Variants in ST3GAL4 observed in about 807,000 individuals in gnomAD.
The protein encoded by ST3GAL4 is CMP-N-acetylneuraminate-beta-galactosamide-alpha-2,3-sialyltransferase 4.
Under a neutral mutation model 42.6 loss-of-function variants are expected in ST3GAL4, and 24 were observed. The ratio of observed to expected loss-of-function variants is 0.56; its 90% CI spans 0.41 to 0.79. The LOEUF is 0.79. Ranked by LOEUF, ST3GAL4 falls within the 30% of genes least tolerant of loss-of-function variation. The pLI, the probability that ST3GAL4 is intolerant of heterozygous loss-of-function variation, is 0.00. For missense variants in ST3GAL4, 311 were observed against 430.8 expected (o/e 0.72, Z 2.46); for synonymous variants, 135 against 163.2 (o/e 0.83, Z 1.32).
rs1591496146 is a variant in ST3GAL4 at position 126,410,518 on chromosome 11, A to G, written c.771+1107A>G. ...GGATAATATCCATAATGACCTTTTA[A>G]GGCTGTTGTAGGAGTTTGAAAAATA... On this transcript the variant is annotated intron_variant, in intron 9 of 10. Coordinates refer to ENST00000444328, the MANE Select transcript of ST3GAL4 (RefSeq NM_001254757.2). The surrounding 1 kb of genome is among the most constrained non-coding windows in gnomAD (Gnocchi z 5.3). Among the ~76,000 whole-genome samples, 3 of 152,332 alleles carry G rather than the reference A, an allele frequency of 2.0e-5. No individual in the cohort carries two copies. The South Asian group carries it at 6.2e-4, about 32-fold the overall frequency.
chr11:126,360,930 GAAAGGT>G (rs1332764785), intron 1 of ST3GAL4, among the ~76,000 whole-genome samples: 22 of 152,228 alleles, frequency 1.4e-4, no homozygotes, highest in Non-Finnish European at 2.9e-4. Flanking sequence ...GTTTGCCAGA[GAAAGGT>G]CTGGCCCCAT....
rs183821887 is a variant in ST3GAL4, at chr11:126,359,759, C to T, written c.-61+3917C>T. 7.3e-4 allele frequency among the ~76,000 whole-genome samples: 109 copies of T among 148,698 alleles called. 3 individuals carry two copies. The highest frequency in any genetic ancestry group is 2.7e-3 in the African/African-American group (107 of 39,982). ...TCCTTCCCTCCTTCCCTCCTTCCCTCCTTCCCCGTGGGCCCTCCCAGCCTC... is the reference window on the plus strand; with the variant it reads ...TCCTTCCCTCCTTCCCTCCTTCCCTTCTTCCCCGTGGGCCCTCCCAGCCTC... On this transcript the variant is annotated intron_variant, in intron 1 of 10. Coordinates refer to ENST00000444328, the MANE Select transcript of ST3GAL4 (RefSeq NM_001254757.2). The surrounding 1 kb of genome is among the most constrained non-coding windows in gnomAD (Gnocchi z 4.8).
chr11:126,385,361 C>G (rs759436328), intron 1 of ST3GAL4, among the ~76,000 whole-genome samples: 4 of 151,854 alleles, frequency 2.6e-5, no homozygotes, highest in Non-Finnish European at 5.9e-5. Context: ...ACTGTGTTAG[C>G]CAGGATGGTC....
rs1820294632 is a variant in ST3GAL4 at position 126,393,403 on chromosome 11, TTGTG to T, written c.-60-12690_-60-12687del. The T allele has an allele frequency of 6.6e-6, 1 of 152,114 alleles. No homozygotes were observed. Among genetic ancestry groups the T allele is most frequent in the South Asian group, 2.1e-4 (1 of 4,820 alleles). The allele number at this position is 152,114 out of a possible 1,614,324, so 9.4% of individuals were successfully genotyped here. On this transcript the variant is annotated intron_variant, in intron 1 of 10. Transcript: ENST00000444328. The surrounding 1 kb of genome is among the most constrained non-coding windows in gnomAD (Gnocchi z 5.9). ...TTGGGTTTAGGCAGAGTAGAGGTGA[TTGTG>T]TGGGCCGGGGGAGCAATGTCACCTT...
At chr11:126,401,610 C>A (rs1400482909) in intron 1 of ST3GAL4, among the ~76,000 whole-genome samples, 1 of 151,256 alleles carries the variant, frequency 6.6e-6, no homozygotes, top group Non-Finnish European at 1.5e-5. Context: ...GGCAGCAGAG[C>A]CTACTGTCCC....
At chr11:126,364,944 C>T (rs1256239940) in intron 1 of ST3GAL4, among the ~76,000 whole-genome samples, 1 of 150,384 alleles carries the variant, frequency 6.6e-6, no homozygotes, top group Non-Finnish European at 1.5e-5. Flanking sequence ...CTCTTTGGGG[C>T]ACAGCTGGAC....
At chr11:126,412,882 T>C (rs1191781065) in intron 9 of ST3GAL4, among the ~76,000 whole-genome samples, 1 of 152,266 alleles carries the variant, frequency 6.6e-6, no homozygotes, top group Non-Finnish European at 1.5e-5. Context: ...CAAGTGTTTT[T>C]GTGAGACTAG....
intron 1 of ST3GAL4, among the ~76,000 whole-genome samples, chr11:126,375,452 C>G (rs1171752839): frequency 6.6e-6 from 1 of 152,048 alleles, no homozygotes; most frequent in Non-Finnish European, 1.5e-5. Context: ...CCAGTCTGCA[C>G]GGGATGGTTT....
At chr11:126,413,320 ATAAAT>A (rs1954610007) in intron 9 of ST3GAL4, 180 bp from the exon 10 acceptor site, 1 of 566,976 alleles carries the variant, frequency 1.8e-6, no homozygotes, top group Non-Finnish European at 3.0e-6. Flanking sequence ...ATTTAATAAA[ATAAAT>A]TCAGTTCCTC....
intron 1 of ST3GAL4, among the ~76,000 whole-genome samples, chr11:126,374,200 C>T (rs1165645780): frequency 6.6e-6 from 1 of 151,868 alleles, no homozygotes; most frequent in East Asian, 1.9e-4. Flanking sequence ...CCCTGTAATC[C>T]CAGCACTTTG....
In ST3GAL4 at chr11:126,414,093, G is replaced by T. The variant is rs779248242; in HGVS notation, c.*46G>T. On this transcript the variant is annotated 3_prime_UTR_variant, in exon 11 of 11. Coordinates refer to ENST00000444328, the MANE Select transcript of ST3GAL4 (RefSeq NM_001254757.2). Reference sequence around the variant, plus strand: ...TGTCGGTTGCCTACTCTGCTGTCTGGGTGACCCCCATGCGTGGCTGTGGGG... The same window carrying T: ...TGTCGGTTGCCTACTCTGCTGTCTGTGTGACCCCCATGCGTGGCTGTGGGG... The T allele has an allele frequency of 8.7e-6, 14 of 1,600,196 alleles. No homozygotes were observed. The highest frequency in any genetic ancestry group is 1.1e-5 in the Non-Finnish European group (13 of 1,167,484).
rs1352221055 is a variant in ST3GAL4, at chr11:126,378,583, A to G, written c.-61+22741A>G. ...CCACCACGCCCAGCTATTTTTTTGT[A>G]TTTTTAGTAGAGACAGGGTTTCACC... is the stretch of plus-strand genomic sequence containing the variant. On this transcript the variant is annotated intron_variant, in intron 1 of 10. Transcript: ENST00000444328. This position sits in a 1 kb window ranked among gnomAD's most constrained non-coding sequence, Gnocchi z 5.3. Among the ~76,000 whole-genome samples the G allele has an allele frequency of 6.6e-6, 1 of 151,918 alleles. No individual in the cohort carries two copies. Among genetic ancestry groups the G allele is most frequent in the Non-Finnish European group, 1.5e-5 (1 of 67,958 alleles).
intron 1 of ST3GAL4, among the ~76,000 whole-genome samples, chr11:126,390,105 C>T (rs934359620): frequency 6.5e-3 from 11 of 1,700 alleles, no homozygotes; most frequent in Non-Finnish European, 9.5e-3. Flanking sequence ...ATAGCGTGAA[C>T]CCGGGAGGCA....
Position 126,396,553 on chromosome 11 carries a change from C to T in ST3GAL4, c.-60-9543C>T, listed in dbSNP as rs1953772858. On this transcript the variant is annotated intron_variant, in intron 1 of 10. Coordinates refer to ENST00000444328, the MANE Select transcript of ST3GAL4 (RefSeq NM_001254757.2). The surrounding 1 kb of genome is among the most constrained non-coding windows in gnomAD (Gnocchi z 5.8). ...CTAGAGACTGTGTCTCGTGCGGAAG[C>T]GTGGCTGAGAAGGGGCTCGACAGGC... Among the ~76,000 whole-genome samples, 1 of 151,902 alleles carries T rather than the reference C, an allele frequency of 6.6e-6. No homozygotes were observed. The highest frequency in any genetic ancestry group is 2.4e-5 in the African/African-American group (1 of 41,182).
At position 126,383,455 on chromosome 11, in the gene ST3GAL4, C is replaced by T. The variant is rs1565405477; in HGVS notation, c.-60-22641C>T. Among the ~76,000 whole-genome samples, 1 of 152,152 alleles carries T rather than the reference C, an allele frequency of 6.6e-6. No individual in the cohort carries two copies. The highest frequency in any genetic ancestry group is 1.5e-5 in the Non-Finnish European group (1 of 68,018). ...AGCAGCAGCAGCAGCTGAGCCCAGC[C>T]CCCGGCCAGCCCTGAGGAATGGGGG... On this transcript the variant is annotated intron_variant, in intron 1 of 10. Coordinates refer to ENST00000444328, the MANE Select transcript of ST3GAL4 (RefSeq NM_001254757.2). The surrounding 1 kb of genome is among the most constrained non-coding windows in gnomAD (Gnocchi z 4.5).
At chr11:126,388,679 T>TTTTTTTTTTTC (rs1239186575) in intron 1 of ST3GAL4, among the ~76,000 whole-genome samples, 2,262 of 122,430 alleles carry the variant, frequency 0.018, 116 homozygotes, top group African/African-American at 0.069. Context: ...TTTTTTTTTT[T>TTTTTTTTTTTC]TTCTGATTTA....
intron 1 of ST3GAL4, among the ~76,000 whole-genome samples, chr11:126,370,151 GA>G (rs1414447404): frequency 6.6e-6 from 1 of 152,208 alleles, no homozygotes; most frequent in Non-Finnish European, 1.5e-5. Flanking sequence ...CTTTTCTGTG[GA>G]ATAAGCTTCT....
rs1953115063 is a variant in ST3GAL4 at position 126,383,973 on chromosome 11, C to T, written c.-60-22123C>T. Among the ~76,000 whole-genome samples, 1 of 152,168 alleles carries T rather than the reference C, an allele frequency of 6.6e-6. No homozygotes were observed. The highest frequency in any genetic ancestry group is 1.5e-5 in the Non-Finnish European group (1 of 68,022). On this transcript the variant is annotated intron_variant, in intron 1 of 10. Coordinates refer to ENST00000444328, the MANE Select transcript of ST3GAL4 (RefSeq NM_001254757.2). This position sits in a 1 kb window ranked among gnomAD's most constrained non-coding sequence, Gnocchi z 4.5. ...CTGCAGGGTGGAGGGCTTGCTTTTCCTGCCCACCCTCATCTTTGCCGAGTC... is the reference window on the plus strand; with the variant it reads ...CTGCAGGGTGGAGGGCTTGCTTTTCTTGCCCACCCTCATCTTTGCCGAGTC...
At position 126,396,411 on chromosome 11, in the gene ST3GAL4, T is replaced by C. The variant is rs1953763314; in HGVS notation, c.-60-9685T>C. 1.3e-5 allele frequency among the ~76,000 whole-genome samples: 2 copies of C among 151,852 alleles called. No individual in the cohort carries two copies. Among genetic ancestry groups the C allele is most frequent in the African/African-American group, 4.9e-5 (2 of 41,236 alleles). ...AGTGGTGGGATGTGGCTGCAAAAAA[T>C]GGTCGGATTCATGGAAGTCTGGTGT... On this transcript the variant is annotated intron_variant, in intron 1 of 10. Coordinates refer to ENST00000444328, the MANE Select transcript of ST3GAL4 (RefSeq NM_001254757.2). The surrounding 1 kb of genome is among the most constrained non-coding windows in gnomAD (Gnocchi z 5.8).
Sources: allele counts gnomAD v4.1 joint callset (sites outside exome capture counted in the v4.1 genomes callset), GRCh38; gene constraint gnomAD v4.1.1; non-coding constraint Gnocchi (gnomAD v3.1); transcripts MANE v1.5; gene names NCBI Gene and HGNC (gene_info 2026-07-23, HGNC 2026-07-21).